The following SUPT3H variants were observed in gnomAD, a reference collection of about 807,000 sequenced individuals.
SUPT3H encodes SPT3 homolog, SAGA and STAGA complex component.
A neutral mutation model predicts 44.3 loss-of-function variants in SUPT3H; 44 were observed. The ratio of observed to expected loss-of-function variants is 0.99; its 90% CI spans 0.78 to 1.28. The LOEUF is 1.28. Ranked by LOEUF, SUPT3H falls within the 50% of genes most tolerant of loss-of-function variation. The pLI is 0.00. For missense variants in SUPT3H, 380 were observed against 387.1 expected, an observed-to-expected ratio of 0.98 and a Z score of 0.15; for synonymous variants, 124 against 125.6, an observed-to-expected ratio of 0.99 and a Z score of 0.09.
intron 1 of SUPT3H, among the ~76,000 whole-genome samples, chr6:45,375,561 A>T (rs1021035231): frequency 6.6e-6 from 1 of 150,586 alleles, no homozygotes; most frequent in Non-Finnish European, 1.5e-5. Context: ...TTTTTTTTTT[A>T]AAGAGACAAG....
At position 44,829,645 on chromosome 6, in the gene SUPT3H, G is replaced by T; in HGVS notation, c.*171C>A. 1.5e-6 allele frequency: 1 copy of T among 678,340 alleles called. No individual in the cohort carries two copies. The highest frequency in any genetic ancestry group is 2.6e-6 in the Non-Finnish European group (1 of 389,478). The allele number at this position is 678,340 out of a possible 1,614,324, so 42.0% of individuals were successfully genotyped here. A position where few individuals can be genotyped will look rare whatever the true frequency, so the allele number is the denominator to read the frequency against. ...AACAGCCCATCTAGTAAACAAGACCGATGGTTGAGGGGCTGGAAAAGAGGA... is the reference window on the plus strand; with the variant it reads ...AACAGCCCATCTAGTAAACAAGACCTATGGTTGAGGGGCTGGAAAAGAGGA... On this transcript the variant is annotated 3_prime_UTR_variant, in exon 11 of 11. Transcript: ENST00000371459.
intron 10 of SUPT3H, among the ~76,000 whole-genome samples, chr6:44,920,956 T>C (rs1768613863): frequency 1.3e-5 from 2 of 152,212 alleles, no homozygotes; most frequent in Admixed American, 1.3e-4. Flanking sequence ...TTAAACACCC[T>C]AAAAGTTTTC....
intron 9 of SUPT3H, among the ~76,000 whole-genome samples, chr6:44,938,935 T>C (rs1332245720): frequency 6.6e-6 from 1 of 152,222 alleles, no homozygotes; most frequent in Non-Finnish European, 1.5e-5. Flanking sequence ...ACTCAAACTT[T>C]GAATTCATTT....
At chr6:45,332,522 C>T (rs1787722360) in intron 2 of SUPT3H, among the ~76,000 whole-genome samples, 2 of 151,754 alleles carry the variant, frequency 1.3e-5, no homozygotes, top group South Asian at 4.1e-4. Context: ...AAATACCAAT[C>T]TTCCATACTG....
chr6:45,374,065 C>T (rs1001664079), intron 1 of SUPT3H, among the ~76,000 whole-genome samples: 1 of 152,090 alleles, frequency 6.6e-6, no homozygotes, highest in Non-Finnish European at 1.5e-5. Context: ...TCATTTGATG[C>T]CACCAACAGT....
chr6:45,355,387 ACTTC>A (rs1214074377), intron 2 of SUPT3H, among the ~76,000 whole-genome samples: 1 of 151,996 alleles, frequency 6.6e-6, no homozygotes, highest in African/African-American at 2.4e-5. Context: ...TATAAAAAAT[ACTTC>A]ATTTATTATA....
chr6:45,321,563 T>A (rs565521783), intron 2 of SUPT3H, among the ~76,000 whole-genome samples: 1 of 152,282 alleles, frequency 6.6e-6, no homozygotes, highest in South Asian at 2.1e-4. Flanking sequence ...ACATATTCCA[T>A]AGTATCGTCG....
At chr6:45,238,883 T>C (rs1032554585) in intron 2 of SUPT3H, among the ~76,000 whole-genome samples, 1 of 152,220 alleles carries the variant, frequency 6.6e-6, no homozygotes, top group African/African-American at 2.4e-5. Context: ...GTATTCTCCA[T>C]AGTCATTTTT....
intron 4 of SUPT3H, 87 bp downstream of exon 4, chr6:45,020,459 G>A: frequency 2.2e-6 from 2 of 912,212 alleles, no homozygotes; most frequent in Non-Finnish European, 3.3e-6. Context: ...TAATTTGAAA[G>A]GTACATAACA....
intron 6 of SUPT3H, among the ~76,000 whole-genome samples, chr6:44,983,766 T>C (rs1324449112): frequency 1.3e-5 from 2 of 152,216 alleles, no homozygotes; most frequent in African/African-American, 4.8e-5. Context: ...TTTATTGAAA[T>C]GTTTTACAGG....
At chr6:45,228,585 G>C (rs536119175) in intron 2 of SUPT3H, among the ~76,000 whole-genome samples, 5 of 151,576 alleles carry the variant, frequency 3.3e-5, no homozygotes, top group East Asian at 1.9e-4. Context: ...GCAAACACCC[G>C]CGCGCGCGCA....
rs534648766 is a variant in SUPT3H at position 44,869,431 on chromosome 6, T to C, written c.913-39574A>G. On this transcript the variant is annotated intron_variant, in intron 10 of 10. Transcript: ENST00000371459. The stretch of plus-strand genomic sequence containing the variant: ...CTGAGCAGTGAACCAAGGGCTGAGA[T>C]ATAAACCACTAAGAAAACCCAGTAG... 2.5e-4 allele frequency among the ~76,000 whole-genome samples: 38 copies of C among 152,294 alleles called. No homozygotes were observed. In the South Asian group the frequency reaches 7.9e-3, roughly 32 times the overall value.
chr6:44,842,252 G>A (rs1771064162), intron 10 of SUPT3H, among the ~76,000 whole-genome samples: 1 of 152,084 alleles, frequency 6.6e-6, no homozygotes, highest in Non-Finnish European at 1.5e-5. Flanking sequence ...TAGGCTCTGA[G>A]GAATCAGTTA....
chr6:44,952,547 A>C (rs746648866), intron 9 of SUPT3H, among the ~76,000 whole-genome samples: 2 of 152,228 alleles, frequency 1.3e-5, no homozygotes, highest in Non-Finnish European at 2.9e-5. Context: ...TCACAACTCT[A>C]CATGTAGATG....
chr6:45,054,915 C>T (rs1420125922), intron 3 of SUPT3H, among the ~76,000 whole-genome samples: 1 of 151,632 alleles, frequency 6.6e-6, no homozygotes, highest in African/African-American at 2.4e-5. Context: ...ATGTTTGAAC[C>T]CATAAGAAAA....
At chr6:44,986,631 CAAAGTAATT>C (rs1162312502) in intron 6 of SUPT3H, among the ~76,000 whole-genome samples, 4 of 151,974 alleles carry the variant, frequency 2.6e-5, no homozygotes, top group Non-Finnish European at 4.4e-5. Context: ...TCGCTCTAAG[CAAAGTAATT>C]AAAGTAATTA....
At chr6:45,236,230 C>T (rs557754878) in intron 2 of SUPT3H, among the ~76,000 whole-genome samples, 2 of 152,174 alleles carry the variant, frequency 1.3e-5, no homozygotes, top group South Asian at 2.1e-4. Context: ...GAGCTGGTCT[C>T]GGCAAGTGGA....
At chr6:44,849,558 G>A (rs914317942) in intron 10 of SUPT3H, among the ~76,000 whole-genome samples, 1 of 152,132 alleles carries the variant, frequency 6.6e-6, no homozygotes, top group Admixed American at 6.6e-5. Context: ...AGTTTGATCT[G>A]CCTATAATCA....
At chr6:44,958,097 G>A (rs3799987) in intron 7 of SUPT3H, among the ~76,000 whole-genome samples, 17,465 of 152,144 alleles carry the variant, frequency 0.11, 1,420 homozygotes, top group East Asian at 0.27. Flanking sequence ...CAGGAGAAAC[G>A]ATAACCTGGA....
Sources: allele counts gnomAD v4.1 joint callset (sites outside exome capture counted in the v4.1 genomes callset), GRCh38; gene constraint gnomAD v4.1.1; transcripts MANE v1.5; gene names NCBI Gene and HGNC (gene_info 2026-07-23, HGNC 2026-07-21).